SPRY3: variants seen among roughly 807,000 people sequenced by gnomAD.
The protein encoded by SPRY3 is sprouty RTK signaling antagonist 3.
In SPRY3, 15 loss-of-function variants were observed where a neutral mutation model predicts 20.2. The observed-to-expected ratio is 0.74, with a 90% CI of 0.50 to 1.14. The LOEUF (loss-of-function observed/expected upper bound fraction) is 1.14, where lower values mean the gene tolerates loss of function less well. Among genes scored for constraint, SPRY3 ranks in the 50% most tolerant of loss-of-function variants. The pLI, the probability that SPRY3 is intolerant of heterozygous loss-of-function variation, is 0.00. For synonymous variants in SPRY3, 143 were observed against 136.5 expected (o/e 1.05, Z -0.33); for missense variants, 364 against 363.9 (o/e 1.00, Z 0.00).
At chrX:155,654,687 GT>G (rs1557352804) in intron 1 of SPRY3, among the ~76,000 whole-genome samples, 1 of 274 alleles carries the variant, frequency 3.6e-3, no homozygotes, top group Non-Finnish European at 0.016. Flanking sequence ...GTATTCCATG[GT>G]GTGTGTGTGT....
At chrX:155,682,418 G>A (rs1050229455) in intron 2 of SPRY3, among the ~76,000 whole-genome samples, 6 of 112,813 alleles carry the variant, frequency 5.3e-5, no homozygotes, top group African/African-American at 6.4e-5. Context: ...ATGCCTGCTA[G>A]CACAACAACC....
intron 3 of SPRY3, among the ~76,000 whole-genome samples, chrX:155,769,412 C>A (rs2123996386): frequency 6.6e-6 from 1 of 152,206 alleles, no homozygotes; most frequent in Non-Finnish European, 1.5e-5. Flanking sequence ...AAAAACCCTC[C>A]TTTTATTTTG....
chrX:155,712,257 C>G (rs1423445550), intron 2 of SPRY3, among the ~76,000 whole-genome samples: 1 of 151,888 alleles, frequency 6.6e-6, no homozygotes, highest in African/African-American at 2.4e-5. Context: ...GATTTTCTGT[C>G]TGGGAGATTT....
intron 2 of SPRY3, among the ~76,000 whole-genome samples, chrX:155,740,760 C>T (rs2091200233): frequency 6.6e-6 from 1 of 152,114 alleles, no homozygotes. Context: ...TCCTCAGAAA[C>T]ATGTGATCTT....
chrX:155,724,432 C>G (rs2091083931), intron 2 of SPRY3, among the ~76,000 whole-genome samples: 2 of 152,080 alleles, frequency 1.3e-5, no homozygotes, highest in Admixed American at 1.3e-4. Flanking sequence ...GAATGTTTTT[C>G]CATTTGTTTG....
intron 2 of SPRY3, among the ~76,000 whole-genome samples, chrX:155,660,584 C>T (rs1358519073): frequency 9.0e-6 from 1 of 111,306 alleles, no homozygotes; most frequent in African/African-American, 3.3e-5. Context: ...TGTTGATTTT[C>T]TGCCTCGGTG....
At chrX:155,673,105 C>A in intron 2 of SPRY3, among the ~76,000 whole-genome samples, 1 of 90,625 alleles carries the variant, frequency 1.1e-5, no homozygotes, top group Non-Finnish European at 2.2e-5. Flanking sequence ...AGGAGATATA[C>A]CTAATGCTAA....
chrX:155,749,301 T>C (rs1375683926), intron 2 of SPRY3, among the ~76,000 whole-genome samples: 2 of 151,824 alleles, frequency 1.3e-5, no homozygotes, highest in Non-Finnish European at 2.9e-5. Flanking sequence ...AGAGCTTATA[T>C]TCCAGTCAGA....
intron 2 of SPRY3, among the ~76,000 whole-genome samples, chrX:155,758,080 C>T (rs2091290136): frequency 6.6e-6 from 1 of 152,188 alleles, no homozygotes. Flanking sequence ...TTTAACCCCT[C>T]TGTTCTTCTA....
intron 2 of SPRY3, among the ~76,000 whole-genome samples, chrX:155,748,221 A>C (rs1232497705): frequency 1.3e-5 from 2 of 151,894 alleles, no homozygotes; most frequent in African/African-American, 4.8e-5. Context: ...CCTGCTTAAC[A>C]AGATAGTAAA....
intron 1 of SPRY3, among the ~76,000 whole-genome samples, chrX:155,616,138 T>TCTCTCTCTCTCTCTCTC (rs2067852736): frequency 2.0e-5 from 2 of 98,453 alleles, no homozygotes; most frequent in Non-Finnish European, 4.2e-5. Context: ...CTCCTCTCTC[T>TCTCTCTCTCTCTCTCTC]CTCTCTCTCT....
chrX:155,752,393 G>A (rs1407010462), intron 2 of SPRY3, among the ~76,000 whole-genome samples: 1 of 151,094 alleles, frequency 6.6e-6, no homozygotes, highest in Non-Finnish European at 1.5e-5. Flanking sequence ...AAACATGATC[G>A]ATGAGTTTGA....
intron 2 of SPRY3, among the ~76,000 whole-genome samples, chrX:155,758,035 T>C (rs2091289928): frequency 6.6e-6 from 1 of 152,230 alleles, no homozygotes; most frequent in Admixed American, 6.5e-5. Flanking sequence ...TGTATTTCTC[T>C]TCAGTATTAG....
At chrX:155,653,616 A>G (rs1214019196) in intron 1 of SPRY3, among the ~76,000 whole-genome samples, 1 of 111,895 alleles carries the variant, frequency 8.9e-6, no homozygotes, top group South Asian at 3.7e-4. Context: ...GCCATTGTCT[A>G]TCCTTATGCT....
At chrX:155,775,031 A>G in exon 4 of SPRY3, 1 of 490,616 alleles carries the variant, frequency 2.0e-6, no homozygotes, top group Non-Finnish European at 3.7e-6. Flanking sequence ...CTGAGGACTG[A>G]CAGGGCCAGC....
intron 2 of SPRY3, among the ~76,000 whole-genome samples, chrX:155,714,524 C>A (rs2091008140): frequency 6.6e-6 from 1 of 152,234 alleles, no homozygotes; most frequent in East Asian, 1.9e-4. Flanking sequence ...TATGGCATCT[C>A]TTTTTCTCTG....
chrX:155,779,402 T>C (rs2091450050), downstream of SPRY3: 1 of 167,044 alleles, frequency 6.0e-6, no homozygotes, highest in Admixed American at 6.5e-5. Context: ...TAAAGCTTTA[T>C]TGTGGCTCTT....
chrX:155,636,965 A>G (rs1295741000), intron 1 of SPRY3, among the ~76,000 whole-genome samples: 1 of 98,859 alleles, frequency 1.0e-5, no homozygotes. Context: ...ATTCTCACTC[A>G]TAGGTGGGAA....
intron 2 of SPRY3, among the ~76,000 whole-genome samples, chrX:155,725,427 G>A (rs188291344): frequency 1.4e-4 from 22 of 152,218 alleles, no homozygotes; most frequent in African/African-American, 4.3e-4. Context: ...GGTAGAATTC[G>A]GCTGTGAATC....
Sources: gnomAD v4.1 joint callset for allele counts (sites outside exome capture counted in the v4.1 genomes callset) on GRCh38, gnomAD v4.1.1 for gene constraint, MANE v1.5 for transcripts, NCBI Gene and HGNC (gene_info 2026-07-23, HGNC 2026-07-21) for gene names.